CDC20B: variants seen among roughly 807,000 people sequenced by gnomAD.
CDC20B encodes cell division cycle protein 20 homolog B.
Under a neutral mutation model 64.1 loss-of-function variants are expected in CDC20B, and 58 were observed. The observed-to-expected ratio is 0.90, with a 90% CI of 0.73 to 1.13. The LOEUF is 1.13. Ranked by LOEUF, CDC20B falls within the 50% of genes most tolerant of loss-of-function variation. CDC20B has a pLI of 0.00. For missense variants in CDC20B, 597 were observed against 633.0 expected (o/e 0.94, Z 0.61); for synonymous variants, 243 against 230.6 (o/e 1.05, Z -0.49).
At chr5:55,134,379 G>T (rs1466753838) in intron 5 of CDC20B, among the ~76,000 whole-genome samples, 1 of 151,856 alleles carries the variant, frequency 6.6e-6, no homozygotes, top group Non-Finnish European at 1.5e-5. Context: ...GTAGCTGAGG[G>T]CAAAACTGCA....
intron 4 of CDC20B, among the ~76,000 whole-genome samples, chr5:55,142,660 C>G (rs1280346289): frequency 6.6e-6 from 1 of 152,096 alleles, no homozygotes; most frequent in African/African-American, 2.4e-5. Context: ...AGTAGGACTC[C>G]CCGGCCATTC....
chr5:55,145,155 T>G (rs1743435273), intron 3 of CDC20B, among the ~76,000 whole-genome samples: 1 of 152,224 alleles, frequency 6.6e-6, no homozygotes, highest in African/African-American at 2.4e-5. Flanking sequence ...ATCAAAACTG[T>G]CCCTCAATTG....
At chr5:55,162,291 G>A (rs1016722508) in intron 2 of CDC20B, among the ~76,000 whole-genome samples, 8 of 152,270 alleles carry the variant, frequency 5.3e-5, no homozygotes, top group African/African-American at 1.9e-4. Context: ...AGCTATTCAG[G>A]AGGCTGAGGC....
At chr5:55,145,330 A>G (rs1743440994) in intron 3 of CDC20B, among the ~76,000 whole-genome samples, 1 of 152,256 alleles carries the variant, frequency 6.6e-6, no homozygotes, top group South Asian at 2.1e-4. Flanking sequence ...CTCCCTTTCA[A>G]TCTGCAGAAC....
chr5:55,146,683 T>A lies in CDC20B; in HGVS notation c.300A>T (p.Pro100=). ...FGEEQSTTYL[P]EASGSVLKTP... ...TCTTCAGCACTGATCCGGAAGCTTC[T>A]GGGAGGTAGGTGGTTGACTGCTCTT... Residue 100 remains proline (P), a synonymous_variant, in exon 3 of 12, where the codon CCA becomes CCT. Coordinates refer to ENST00000381375, the MANE Select transcript of CDC20B (RefSeq NM_001170402.1). 3.7e-6 allele frequency: 6 copies of A among 1,614,150 alleles called. No homozygotes were observed. The highest frequency in any genetic ancestry group is 5.1e-6 in the Non-Finnish European group (6 of 1,180,022).
intron 2 of CDC20B, among the ~76,000 whole-genome samples, chr5:55,154,189 G>T (rs1230716970): frequency 6.6e-6 from 1 of 152,122 alleles, no homozygotes; most frequent in Non-Finnish European, 1.5e-5. Flanking sequence ...CACATCCAAG[G>T]GTGGAAACCT....
At chr5:55,135,756 A>ATTTTTTTTTTTT (rs758608766) in intron 5 of CDC20B, 1 of 116,314 alleles carries the variant, frequency 8.6e-6, no homozygotes, top group Non-Finnish European at 1.8e-5. Context: ...TTTTTTTGTG[A>ATTTTTTTTTTTT]TTTTTTTTTT....
intron 2 of CDC20B, among the ~76,000 whole-genome samples, chr5:55,171,494 A>T (rs1371261329): frequency 2.0e-5 from 3 of 152,238 alleles, no homozygotes; most frequent in African/African-American, 7.2e-5. Context: ...AGTATTTAAG[A>T]AATGTAAGGG....
At chr5:55,162,162 G>C (rs528184940) in intron 2 of CDC20B, among the ~76,000 whole-genome samples, 1 of 150,508 alleles carries the variant, frequency 6.6e-6, no homozygotes, top group Non-Finnish European at 1.5e-5. Flanking sequence ...TTAGGAGGCC[G>C]AGGCAGGCAG....
chr5:55,119,742 C>A, intron 11 of CDC20B, 59 bp downstream of exon 11: 2 of 1,040,982 alleles, frequency 1.9e-6, no homozygotes, highest in East Asian at 4.8e-5. Flanking sequence ...GGGCTTTTCC[C>A]CCCAACAACA....
chr5:55,163,979 T>G lies in CDC20B; in HGVS notation c.126+8609A>C, dbSNP rs140305863. ...AACTTGATACTAAAGTTATCATTTA[T>G]GCAGATACTAATAGAAGTGAAAATC... On this transcript the variant is annotated intron_variant, in intron 2 of 11. Transcript: ENST00000381375. 6.1e-4 allele frequency: 671 copies of G among 1,095,540 alleles called. 4 individuals are homozygous for G. In the African/African-American group the frequency reaches 8.9e-3, roughly 15 times the overall value. The allele number at this position is 1,095,540 out of a possible 1,614,324, so 67.9% of individuals were successfully genotyped here.
intron 5 of CDC20B, among the ~76,000 whole-genome samples, chr5:55,134,944 A>C (rs1308975536): frequency 6.6e-6 from 1 of 152,220 alleles, no homozygotes; most frequent in African/African-American, 2.4e-5. Context: ...AAATGAAACT[A>C]TTCTGTATAC....
chr5:55,135,269 GGA>G (rs1362897953), intron 5 of CDC20B, among the ~76,000 whole-genome samples: 4 of 151,394 alleles, frequency 2.6e-5, no homozygotes, highest in East Asian at 1.9e-4. Context: ...AAAGAGAGAG[GGA>G]GAGAGAGAGA....
At chr5:55,159,377 T>A (rs944080899) in intron 2 of CDC20B, among the ~76,000 whole-genome samples, 5 of 152,152 alleles carry the variant, frequency 3.3e-5, no homozygotes, top group Non-Finnish European at 7.4e-5. Context: ...TTTTGATAGG[T>A]CAGAACTGGG....
At chr5:55,147,393 A>G (rs1028022161) in intron 2 of CDC20B, among the ~76,000 whole-genome samples, 5 of 142,140 alleles carry the variant, frequency 3.5e-5, no homozygotes, top group African/African-American at 1.3e-4. Context: ...ATATATTTAT[A>G]TTTATATATA....
At chr5:55,117,908 A>G (rs1414041076) in intron 11 of CDC20B, among the ~76,000 whole-genome samples, 1 of 152,118 alleles carries the variant, frequency 6.6e-6, no homozygotes, top group Non-Finnish European at 1.5e-5. Context: ...TAAGGTCAGG[A>G]GTTCGAGCCC....
intron 6 of CDC20B, among the ~76,000 whole-genome samples, chr5:55,132,620 C>G (rs1743058138): frequency 6.6e-6 from 1 of 152,182 alleles, no homozygotes. Context: ...TAAGCCTTTA[C>G]TCTTTGGCAG....
chr5:55,153,470 A>G (rs759268346), intron 2 of CDC20B, among the ~76,000 whole-genome samples: 33 of 152,164 alleles, frequency 2.2e-4, no homozygotes, highest in Non-Finnish European at 3.5e-4. Flanking sequence ...TAAGAAAAAT[A>G]CATGCCCCCT....
At chr5:55,151,998 AATCAC>A (rs1281775127) in intron 2 of CDC20B, among the ~76,000 whole-genome samples, 2 of 152,230 alleles carry the variant, frequency 1.3e-5, no homozygotes, top group Non-Finnish European at 2.9e-5. Flanking sequence ...CCCTAAATGC[AATCAC>A]ATGTATCCCT....
Sources: allele counts gnomAD v4.1 joint callset (sites outside exome capture counted in the v4.1 genomes callset), GRCh38; gene constraint gnomAD v4.1.1; transcripts MANE v1.5; gene names NCBI Gene and HGNC (gene_info 2026-07-23, HGNC 2026-07-21).